Variants in SUCLG2 observed in about 807,000 individuals in gnomAD.
SUCLG2 encodes succinate-CoA ligase GDP-forming subunit beta.
A neutral mutation model predicts 47.9 loss-of-function variants in SUCLG2; 42 were observed. The observed-to-expected ratio is 0.88, with a 90% CI of 0.69 to 1.14. The LOEUF (loss-of-function observed/expected upper bound fraction) is 1.14. SUCLG2 is among the 50% of genes most tolerant of loss of function. SUCLG2 has a pLI of 0.00. For missense variants in SUCLG2, 571 were observed against 525.9 expected (o/e 1.09, Z -0.84); for synonymous variants, 195 against 197.3 (o/e 0.99, Z 0.10).
intron 9 of SUCLG2, among the ~76,000 whole-genome samples, chr3:67,423,774 A>T (rs1703232408): frequency 6.6e-6 from 1 of 152,188 alleles, no homozygotes; most frequent in Non-Finnish European, 1.5e-5. Flanking sequence ...CCCCCTTAGA[A>T]TGAATATCTC....
intron 9 of SUCLG2, among the ~76,000 whole-genome samples, chr3:67,468,844 C>T (rs773725762): frequency 2.0e-5 from 3 of 152,108 alleles, no homozygotes; most frequent in Admixed American, 6.5e-5. Context: ...CAATGGATAA[C>T]GGAAACAGAG....
chr3:67,460,725 T>A (rs1447288300), intron 9 of SUCLG2, among the ~76,000 whole-genome samples: 1 of 152,162 alleles, frequency 6.6e-6, no homozygotes, highest in East Asian at 1.9e-4. Context: ...ACTTAGGAAA[T>A]CTAGCTTCTC....
intron 2 of SUCLG2, among the ~76,000 whole-genome samples, chr3:67,543,182 C>T (rs771226975): frequency 2.0e-5 from 3 of 152,192 alleles, no homozygotes; most frequent in Non-Finnish European, 4.4e-5. Flanking sequence ...CACACAACTA[C>T]ATGGAAATTC....
intron 2 of SUCLG2, among the ~76,000 whole-genome samples, chr3:67,540,095 CTTGCT>C (rs1395881247): frequency 8.0e-5 from 12 of 150,930 alleles, no homozygotes; most frequent in Admixed American, 7.9e-4. Context: ...TTGTCTTCTG[CTTGCT>C]TTTGAATTTG....
At chr3:67,599,984 T>A (rs1708382137) in intron 2 of SUCLG2, among the ~76,000 whole-genome samples, 1 of 152,248 alleles carries the variant, frequency 6.6e-6, no homozygotes, top group African/African-American at 2.4e-5. Flanking sequence ...TGTTAAACAT[T>A]GCCAATGCCT....
At chr3:67,403,335 A>T (rs1363226716) in intron 9 of SUCLG2, among the ~76,000 whole-genome samples, 1 of 152,180 alleles carries the variant, frequency 6.6e-6, no homozygotes, top group African/African-American at 2.4e-5. Flanking sequence ...CTTCTCTAAA[A>T]CAAAGATTAT....
chr3:67,568,603 G>A (rs1707528385), intron 2 of SUCLG2, among the ~76,000 whole-genome samples: 2 of 152,088 alleles, frequency 1.3e-5, no homozygotes, highest in Non-Finnish European at 2.9e-5. Flanking sequence ...AAAATAAAGA[G>A]TGAGCCGGGC....
intron 9 of SUCLG2, among the ~76,000 whole-genome samples, chr3:67,455,697 C>G (rs1704165757): frequency 6.6e-6 from 1 of 151,548 alleles, no homozygotes. Flanking sequence ...AAAAAAAAAA[C>G]ACTGATGGGA....
At position 67,547,516 on chromosome 3, in the gene SUCLG2, C is replaced by G. The variant is rs2251623; in HGVS notation, c.227-18330G>C. 3.1e-3 allele frequency among the ~76,000 whole-genome samples: 471 copies of G among 152,308 alleles called. 1 individual carries two copies. The highest frequency in any genetic ancestry group is 0.011 in the African/African-American group (454 of 41,562). The stretch of plus-strand genomic sequence containing the variant: ...GTGCCCTTAAATCCAGCTGCAGCCT[C>G]TTCCAGGTTCCTGACCCTTTCTCAT... On this transcript the variant is annotated intron_variant, in intron 2 of 10. Transcript: ENST00000307227.
At chr3:67,488,314 G>A (rs750706808) in intron 9 of SUCLG2, among the ~76,000 whole-genome samples, 5 of 152,064 alleles carry the variant, frequency 3.3e-5, no homozygotes, top group Non-Finnish European at 5.9e-5. Flanking sequence ...CATGTTGCTC[G>A]TTTAGGAATG....
intron 9 of SUCLG2, among the ~76,000 whole-genome samples, chr3:67,401,149 ATAT>A (rs1395387744): frequency 2.0e-5 from 3 of 152,134 alleles, no homozygotes; most frequent in African/African-American, 7.2e-5. Flanking sequence ...TTTTCTGAAA[ATAT>A]TATTGTCTAT....
chr3:67,372,960 G>A (rs1362211211), downstream of SUCLG2, among the ~76,000 whole-genome samples: 1 of 152,124 alleles, frequency 6.6e-6, no homozygotes, highest in Admixed American at 6.6e-5. Context: ...CAGACAACAT[G>A]CACACAAATG....
intron 9 of SUCLG2, among the ~76,000 whole-genome samples, chr3:67,411,121 T>C (rs1377035561): frequency 6.6e-6 from 1 of 152,170 alleles, no homozygotes; most frequent in African/African-American, 2.4e-5. Context: ...TACCCATCTA[T>C]TGTTGCAACA....
chr3:67,439,355 C>G (rs1015699778), intron 9 of SUCLG2, among the ~76,000 whole-genome samples: 49 of 152,150 alleles, frequency 3.2e-4, no homozygotes, highest in African/African-American at 1.0e-3. Flanking sequence ...TCTCACCACT[C>G]CTATTCAACA....
chr3:67,535,782 ATC>A (rs1431846610), intron 2 of SUCLG2, among the ~76,000 whole-genome samples: 4 of 152,116 alleles, frequency 2.6e-5, no homozygotes, highest in African/African-American at 9.7e-5. Flanking sequence ...ACATCTCCAC[ATC>A]TGTCTGTCAC....
chr3:67,442,257 G>A (rs1041591507), intron 9 of SUCLG2, among the ~76,000 whole-genome samples: 1 of 152,016 alleles, frequency 6.6e-6, no homozygotes, highest in Non-Finnish European at 1.5e-5. Context: ...TGATCCGCCC[G>A]CCTCGGCCTC....
At chr3:67,576,064 T>C (rs1390480317) in intron 2 of SUCLG2, among the ~76,000 whole-genome samples, 2 of 152,216 alleles carry the variant, frequency 1.3e-5, no homozygotes, top group South Asian at 2.1e-4. Flanking sequence ...TGAATTTCCA[T>C]GTAACTGCAG....
intron 10 of SUCLG2, among the ~76,000 whole-genome samples, chr3:67,362,322 T>G (rs1225102779): frequency 6.6e-6 from 1 of 152,194 alleles, no homozygotes; most frequent in Non-Finnish European, 1.5e-5. Flanking sequence ...GCCCCTTACG[T>G]TGGCCAGCTC....
intron 2 of SUCLG2, among the ~76,000 whole-genome samples, chr3:67,531,442 G>T (rs545280386): frequency 1.3e-5 from 2 of 152,158 alleles, no homozygotes; most frequent in Non-Finnish European, 2.9e-5. Flanking sequence ...GCACTACATA[G>T]GCTTGATTAG....
Sources: allele counts gnomAD v4.1 joint callset (sites outside exome capture counted in the v4.1 genomes callset), GRCh38; gene constraint gnomAD v4.1.1; transcripts MANE v1.5; gene names NCBI Gene and HGNC (gene_info 2026-07-23, HGNC 2026-07-21).